Variants in DLC1 observed in about 807,000 individuals in gnomAD.
DLC1 encodes rho GTPase-activating protein 7.
Under a neutral mutation model 140.3 loss-of-function variants are expected in DLC1, and 54 were observed. The ratio of observed to expected loss-of-function variants is 0.38; its 90% CI spans 0.31 to 0.48. The LOEUF (loss-of-function observed/expected upper bound fraction) is 0.48. Ranked by LOEUF, DLC1 falls within the 20% of genes least tolerant of loss-of-function variation. DLC1 has a pLI of 0.96. For missense variants in DLC1, 2,536 were observed against 1,907.0 expected (o/e 1.33, Z -6.14); for synonymous variants, 986 against 728.1 (o/e 1.35, Z -5.70).
chr8:13,448,643 G>C (rs1401790022), intron 2 of DLC1, among the ~76,000 whole-genome samples: 1 of 152,140 alleles, frequency 6.6e-6, no homozygotes, highest in East Asian at 1.9e-4. Flanking sequence ...ACAGGCGTGA[G>C]CCACCGCACC....
chr8:13,388,772 A>G (rs1377729198), intron 4 of DLC1, among the ~76,000 whole-genome samples: 1 of 152,062 alleles, frequency 6.6e-6, no homozygotes, highest in African/African-American at 2.4e-5. Context: ...ACACATACAT[A>G]TATGTAAACA....
At chr8:13,368,881 C>T (rs188299823) in intron 4 of DLC1, among the ~76,000 whole-genome samples, 15 of 152,194 alleles carry the variant, frequency 9.9e-5, no homozygotes, top group Non-Finnish European at 1.5e-4. Flanking sequence ...TGGAGGGCAG[C>T]GGTGTGATCT....
chr8:13,495,580 A>G (rs1039880238), intron 2 of DLC1, among the ~76,000 whole-genome samples: 5 of 152,150 alleles, frequency 3.3e-5, no homozygotes, highest in African/African-American at 1.2e-4. Flanking sequence ...AAAGGTCAAT[A>G]TTTGTGATCC....
chr8:13,373,857 T>C (rs1479505860), intron 4 of DLC1, among the ~76,000 whole-genome samples: 1 of 152,186 alleles, frequency 6.6e-6, no homozygotes, highest in Non-Finnish European at 1.5e-5. Flanking sequence ...AGAGAAAAAC[T>C]TATAAGCTTT....
At chr8:13,144,548 G>T (rs560214962) in intron 5 of DLC1, among the ~76,000 whole-genome samples, 1 of 152,108 alleles carries the variant, frequency 6.6e-6, no homozygotes, top group Non-Finnish European at 1.5e-5. Context: ...GGCAGATCAC[G>T]AGATCAGGAG....
In DLC1 at chr8:13,499,620, A is replaced by C. The variant is rs1303452533; in HGVS notation, c.452T>G (p.Leu151Arg). Reference protein sequence around the residue: ...IQGAGSLEKALPIIQSNQVSS... With the variant: ...IQGAGSLEKARPIIQSNQVSS... ...AACTTGGTTACTTTGTATGATGGGCAGTGCCTTTTCTAAGGAGCCTGCTCC... is the reference window on the plus strand; with the variant it reads ...AACTTGGTTACTTTGTATGATGGGCCGTGCCTTTTCTAAGGAGCCTGCTCC... Residue 151 changes from leucine to arginine, a missense_variant, in exon 2 of 18, where the codon CTG becomes CGG. Leu to Arg is a moderately radical substitution (Grantham distance 102). Transcript: ENST00000276297. 1.9e-6 allele frequency: 3 copies of C among 1,614,162 alleles called. No individual in the cohort carries two copies. In the South Asian group the frequency reaches 3.3e-5, roughly 18 times the overall value.
chr8:13,431,164 G>A (rs960240688), intron 2 of DLC1, among the ~76,000 whole-genome samples: 1 of 152,074 alleles, frequency 6.6e-6, no homozygotes, highest in Non-Finnish European at 1.5e-5. Context: ...AAGTCCAAGA[G>A]GATGACTGAG....
chr8:13,396,268 C>G (rs954208664), intron 3 of DLC1, among the ~76,000 whole-genome samples: 3 of 152,068 alleles, frequency 2.0e-5, no homozygotes, highest in African/African-American at 7.2e-5. Flanking sequence ...ATCGTATTAG[C>G]CAGGATGGTC....
chr8:13,098,536 C>T lies in DLC1; in HGVS notation c.3030G>A (p.Arg1010=). Residue 1010 remains arginine (R), a synonymous_variant, in exon 10 of 18, where the codon CGG becomes CGA. Transcript: ENST00000276297. The stretch of plus-strand genomic sequence containing the variant: ...GTAGTGATACAGAGTTGAGGCTTGG[C>T]CGATGTGAGCTCTGGAAACTGTGCC... ...LRWHSFQSSH[R]PSLNSVSLQI... 1 of 1,614,138 alleles carries T rather than the reference C, an allele frequency of 6.2e-7. No individual in the cohort carries two copies. The highest frequency in any genetic ancestry group is 8.5e-7 in the Non-Finnish European group (1 of 1,180,012).
intron 2 of DLC1, among the ~76,000 whole-genome samples, chr8:13,450,371 C>G (rs887941970): frequency 7.0e-6 from 1 of 141,944 alleles, no homozygotes; most frequent in African/African-American, 2.6e-5. Context: ...ACGAGAATCA[C>G]TTGAACCCGG....
intron 2 of DLC1, among the ~76,000 whole-genome samples, chr8:13,446,494 T>G (rs969639745): frequency 1.3e-5 from 2 of 150,846 alleles, no homozygotes; most frequent in African/African-American, 4.9e-5. Flanking sequence ...TTTTAAATCA[T>G]CATACACTGG....
chr8:13,402,530 G>A (rs1837343567), intron 2 of DLC1, among the ~76,000 whole-genome samples: 1 of 152,168 alleles, frequency 6.6e-6, no homozygotes, highest in South Asian at 2.1e-4. Context: ...CACATGCAGT[G>A]TTGGCTCTTT....
At chr8:13,216,635 T>C (rs1049244217) in intron 5 of DLC1, among the ~76,000 whole-genome samples, 2 of 152,128 alleles carry the variant, frequency 1.3e-5, no homozygotes, top group Non-Finnish European at 2.9e-5. Context: ...ACCTCCTCTT[T>C]CTCTGAAATA....
chr8:13,115,789 A>G, intron 5 of DLC1, 132 bp from the exon 6 acceptor site: 1 of 781,820 alleles, frequency 1.3e-6, no homozygotes, highest in Non-Finnish European at 2.1e-6. Flanking sequence ...GCAAACAGAC[A>G]TACACGCTTA....
At chr8:13,195,163 A>C (rs1168014980) in intron 5 of DLC1, among the ~76,000 whole-genome samples, 2 of 152,212 alleles carry the variant, frequency 1.3e-5, no homozygotes, top group African/African-American at 4.8e-5. Flanking sequence ...ATATTCCTTC[A>C]CATGGGAAAG....
intron 1 of DLC1, among the ~76,000 whole-genome samples, chr8:13,554,191 C>G (rs749788442): frequency 2.6e-5 from 4 of 152,024 alleles, no homozygotes; most frequent in African/African-American, 7.2e-5. Context: ...CTCAGCCTCC[C>G]GAGTAGCTGG....
At chr8:13,405,918 T>TTTCTTTCC (rs1837514196) in intron 2 of DLC1, among the ~76,000 whole-genome samples, 1 of 7,178 alleles carries the variant, frequency 1.4e-4, no homozygotes, top group Non-Finnish European at 3.4e-4. Flanking sequence ...TTTCTTTTCT[T>TTTCTTTCC]TTCTTTCTTT....
At position 13,531,463 on chromosome 8, in the gene DLC1, A is replaced by G. The variant is rs113264971; in HGVS notation, c.-125-31267T>C. 4.9e-3 allele frequency among the ~76,000 whole-genome samples: 749 copies of G among 152,160 alleles called. 6 individuals are homozygous for G. The highest frequency in any genetic ancestry group is 0.015 in the African/African-American group (630 of 41,512). ...TAGCTGAGCATGGTGATGGGGGCCT[A>G]TAATCCCAGTTACTCAGGTGGCTGA... On this transcript the variant is annotated intron_variant, in intron 1 of 1. Coordinates refer to the DLC1 transcript ENST00000631382.
rs547737556 is a variant in DLC1 at position 13,319,819 on chromosome 8, C to CTTTTTTTTTTTTTTTTT, written c.1315-14518_1315-14517insAAAAAAAAAAAAAAAAA. On this transcript the variant is annotated intron_variant, in intron 4 of 17. Transcript: ENST00000276297. ...CCAACCATTGTTTAATTCTCTCTCT[C>CTTTTTTTTTTTTTTTTT]TCTTTTTTTTTTTTTTTTTTTGAGA... Among the ~76,000 whole-genome samples, 9 of 76,160 alleles carry CTTTTTTTTTTTTTTTTT rather than the reference C, an allele frequency of 1.2e-4. 1 individual carries two copies. The highest frequency in any genetic ancestry group is 3.0e-4 in the African/African-American group (6 of 20,302). The allele number at this position is 76,160 out of a possible 152,430, so 50.0% of individuals were successfully genotyped here.
Sources: allele counts gnomAD v4.1 joint callset (sites outside exome capture counted in the v4.1 genomes callset), GRCh38; gene constraint gnomAD v4.1.1; transcripts MANE v1.5; gene names NCBI Gene and HGNC (gene_info 2026-07-23, HGNC 2026-07-21).